The following AGMO variants were observed in gnomAD, a reference collection of about 807,000 sequenced individuals.
AGMO encodes the protein alkylglycerol monooxygenase, also known as glyceryl-ether monooxygenase.
In AGMO, 75 loss-of-function variants were observed where a neutral mutation model predicts 60.2. That is an observed-to-expected ratio of 1.25 (90% CI 1.03 to 1.51). AGMO has a LOEUF of 1.51. Ranked by LOEUF, AGMO falls within the 40% of genes most tolerant of loss-of-function variation. The pLI, the probability that AGMO is intolerant of heterozygous loss-of-function variation, is 0.00. For missense variants in AGMO, 763 were observed against 525.5 expected (o/e 1.45, Z -4.42); for synonymous variants, 261 against 177.1 (o/e 1.47, Z -3.76).
At chr7:15,390,808 T>A (rs750078611) in intron 7 of AGMO, 32 bp downstream of exon 7, 1 of 1,587,434 alleles carries the variant, frequency 6.3e-7, no homozygotes, top group Non-Finnish European at 8.6e-7. Context: ...AGGAGCTGAT[T>A]TAATTTTTTG....
chr7:15,392,750 G>C (rs1237244991), intron 6 of AGMO, among the ~76,000 whole-genome samples: 1 of 152,108 alleles, frequency 6.6e-6, no homozygotes, highest in Admixed American at 6.5e-5. Context: ...AGTGAGCCCA[G>C]ATTGTGCCAC....
intron 12 of AGMO, among the ~76,000 whole-genome samples, chr7:15,284,591 A>T (rs757815532): frequency 2.0e-5 from 3 of 152,062 alleles, no homozygotes; most frequent in African/African-American, 4.8e-5. Context: ...AAAAATGCCA[A>T]CAAAAATAAG....
At chr7:15,300,290 T>G (rs927085863) in intron 12 of AGMO, among the ~76,000 whole-genome samples, 1 of 151,820 alleles carries the variant, frequency 6.6e-6, no homozygotes, top group Non-Finnish European at 1.5e-5. Context: ...AAGTTCACAA[T>G]AGCAAAACTG....
chr7:15,263,289 A>C (rs10270446), intron 12 of AGMO, among the ~76,000 whole-genome samples: 1 of 152,204 alleles, frequency 6.6e-6, no homozygotes, highest in East Asian at 1.9e-4. Flanking sequence ...AATTCTCTCA[A>C]GAAGATATAC....
intron 3 of AGMO, among the ~76,000 whole-genome samples, chr7:15,509,349 G>A (rs1783610875): frequency 6.7e-6 from 1 of 148,172 alleles, no homozygotes; most frequent in Non-Finnish European, 1.5e-5. Flanking sequence ...AAATGATGTT[G>A]TGAGAACTGT....
chr7:15,455,238 G>T (rs1445366016), intron 3 of AGMO, among the ~76,000 whole-genome samples: 2 of 152,014 alleles, frequency 1.3e-5, no homozygotes, highest in Non-Finnish European at 2.9e-5. Context: ...AGCACGTTAT[G>T]ATGTTTTCTT....
At chr7:15,124,938 G>C in the AGMO span, among the ~76,000 whole-genome samples, 2 of 151,962 alleles carry the variant, frequency 1.3e-5, no homozygotes, top group Admixed American at 1.3e-4. Context: ...GAACATAGAG[G>C]GGGGACACAG....
At chr7:15,438,034 G>A (rs569912316) in intron 3 of AGMO, among the ~76,000 whole-genome samples, 1 of 152,040 alleles carries the variant, frequency 6.6e-6, no homozygotes, top group Admixed American at 6.6e-5. Context: ...CTAGTATGCA[G>A]AATTTAAAAA....
intron 12 of AGMO, among the ~76,000 whole-genome samples, chr7:15,333,084 A>G (rs1486062451): frequency 6.6e-6 from 1 of 152,200 alleles, no homozygotes; most frequent in East Asian, 1.9e-4. Context: ...CTATTTTATC[A>G]TAATATCCTG....
At chr7:15,198,096 A>AT (rs2115459504), downstream of AGMO, among the ~76,000 whole-genome samples, 1 of 152,198 alleles carries the variant, frequency 6.6e-6, no homozygotes. Context: ...CTTATGGTAG[A>AT]TTAGGAAAAG....
intron 3 of AGMO, among the ~76,000 whole-genome samples, chr7:15,524,095 A>G (rs899124342): frequency 2.0e-5 from 3 of 152,170 alleles, no homozygotes; most frequent in Admixed American, 2.0e-4. Flanking sequence ...AATAATTAAT[A>G]TATACTATTA....
In AGMO at chr7:15,322,533, TAAATATATATATAA is replaced by T. The variant is rs1230518397; in HGVS notation, c.1263+42967_1263+42980del. 3.3e-3 allele frequency among the ~76,000 whole-genome samples: 272 copies of T among 81,794 alleles called. 6 individuals are homozygous for T. The highest frequency in any genetic ancestry group is 0.016 in the African/African-American group (249 of 15,260). The allele number at this position is 81,794 out of a possible 152,430, so 53.7% of individuals were successfully genotyped here. A position where few individuals can be genotyped will look rare whatever the true frequency, so the allele number is the denominator to read the frequency against. On this transcript the variant is annotated intron_variant, in intron 12 of 12. Transcript: ENST00000342526. ...ATATATATAAATATATATAAATATATAAATATATATATAAATATATATAAATATATAAATATATA... is the reference window on the plus strand; with the variant it reads ...ATATATATAAATATATATAAATATATATATATATAAATATATAAATATATA...
At chr7:15,533,016 A>T (rs1218039056) in intron 3 of AGMO, among the ~76,000 whole-genome samples, 1 of 151,986 alleles carries the variant, frequency 6.6e-6, no homozygotes, top group Non-Finnish European at 1.5e-5. Context: ...ACAAACAAAA[A>T]ATCTTCCTTA....
chr7:15,122,609 C>T, the AGMO span, among the ~76,000 whole-genome samples: 4 of 152,142 alleles, frequency 2.6e-5, no homozygotes, highest in South Asian at 8.3e-4. Flanking sequence ...CTCCACGTCA[C>T]TCACATTTCT....
chr7:15,342,279 G>C (rs980513901), intron 12 of AGMO, among the ~76,000 whole-genome samples: 17 of 151,308 alleles, frequency 1.1e-4, no homozygotes, highest in Admixed American at 2.0e-4. Flanking sequence ...TGGTCAGCAA[G>C]GGAGGAGTAA....
chr7:15,385,616 T>G, intron 9 of AGMO, 54 bp from the exon 10 acceptor site: 1 of 982,682 alleles, frequency 1.0e-6, no homozygotes, highest in Non-Finnish European at 1.6e-6. Context: ...TTTTTCTTAC[T>G]GAAATTCACA....
intron 2 of AGMO, among the ~76,000 whole-genome samples, chr7:15,551,709 G>C (rs1371159565): frequency 2.6e-5 from 4 of 151,126 alleles, no homozygotes; most frequent in African/African-American, 7.3e-5. Context: ...CTCATGGGTA[G>C]GAAGAATCAA....
intron 12 of AGMO, among the ~76,000 whole-genome samples, chr7:15,337,806 C>T (rs1781710767): frequency 6.6e-6 from 1 of 152,204 alleles, no homozygotes. Flanking sequence ...TAGCAGATTG[C>T]TAACGCTTTT....
At chr7:15,547,989 C>T (rs545045934) in intron 2 of AGMO, among the ~76,000 whole-genome samples, 3 of 146,860 alleles carry the variant, frequency 2.0e-5, no homozygotes, top group East Asian at 3.9e-4. Flanking sequence ...AGACTGCCTC[C>T]TCAAGTGGGT....
Sources: allele counts gnomAD v4.1 joint callset (sites outside exome capture counted in the v4.1 genomes callset), GRCh38; gene constraint gnomAD v4.1.1; transcripts MANE v1.5; gene names NCBI Gene and HGNC (gene_info 2026-07-23, HGNC 2026-07-21).